Variants in DGKI observed in about 807,000 individuals in gnomAD.
DGKI encodes DAG kinase iota.
DGKI carries 55 observed loss-of-function variants against 147.5 expected under a neutral mutation model. The ratio of observed to expected loss-of-function variants is 0.37; its 90% CI spans 0.30 to 0.47. The LOEUF (loss-of-function observed/expected upper bound fraction) is 0.47, where lower values mean the gene tolerates loss of function less well. DGKI is among the 20% of genes least tolerant of loss of function. The probability of loss-of-function intolerance (pLI) is 1.00; values close to 1 mark genes in which losing one functional copy is unlikely to be tolerated. For missense variants in DGKI, 1,007 were observed against 1,323.8 expected (o/e 0.76, Z 3.71); for synonymous variants, 469 against 477.1 (o/e 0.98, Z 0.22).
At chr7:137,491,920 A>C (rs2128938191) in intron 21 of DGKI, among the ~76,000 whole-genome samples, 1 of 152,352 alleles carries the variant, frequency 6.6e-6, no homozygotes, top group East Asian at 1.9e-4. Context: ...AGGAATTCTA[A>C]GAATCCAAAG....
chr7:137,643,215 T>C (rs1821703724), intron 6 of DGKI, among the ~76,000 whole-genome samples: 1 of 137,652 alleles, frequency 7.3e-6, no homozygotes, highest in African/African-American at 2.8e-5. Flanking sequence ...GGCATGAACC[T>C]GGGAGGCGGA....
chr7:137,621,189 C>T lies in DGKI; in HGVS notation c.877-1249G>A, dbSNP rs1362125702. Among the ~76,000 whole-genome samples the T allele has an allele frequency of 2.0e-5, 3 of 152,232 alleles. No homozygotes were observed. In the East Asian group the frequency reaches 5.8e-4, roughly 29 times the overall value. Reference sequence around the variant, plus strand: ...GTAAAATAATTAATAATTCTGCCTGCCACCAGTTATTGGTGATCTGCAAAC... The same window carrying T: ...GTAAAATAATTAATAATTCTGCCTGTCACCAGTTATTGGTGATCTGCAAAC... On this transcript the variant is annotated intron_variant, in intron 7 of 32. Transcript: ENST00000614521.
chr7:137,656,466 C>A lies in DGKI; in HGVS notation c.681G>T (p.Lys227Asn). ...ACTGCAGCAGGGGGCGCGCTCTTAC[C>A]TTTTCTAGCTGCTCAATGCAGGCGG... ...VHTACIEQLE[K>N]INFRCKPTFR... Residue 227 changes from lysine (K) to asparagine (N), a missense_variant and splice_region_variant, in exon 4 of 33, where the codon AAG becomes AAT. By Grantham distance (94) the Lys-to-Asn change is moderately conservative. Transcript: ENST00000614521. 1.9e-6 allele frequency: 3 copies of A among 1,613,974 alleles called. No individual in the cohort carries two copies. The highest frequency in any genetic ancestry group is 2.5e-6 in the Non-Finnish European group (3 of 1,179,948).
At chr7:137,841,016 A>G (rs963862981) in intron 1 of DGKI, among the ~76,000 whole-genome samples, 13 of 152,342 alleles carry the variant, frequency 8.5e-5, no homozygotes, top group African/African-American at 3.1e-4. Context: ...CTGTATTACT[A>G]TTATCTCATT....
At chr7:137,495,609 C>T (rs995987292) in intron 21 of DGKI, among the ~76,000 whole-genome samples, 1 of 151,618 alleles carries the variant, frequency 6.6e-6, no homozygotes, top group East Asian at 1.9e-4. Flanking sequence ...AGCTAATCTA[C>T]CATGGTCAAG....
chr7:137,514,177 T>C (rs1046487298), intron 21 of DGKI, among the ~76,000 whole-genome samples: 13 of 152,128 alleles, frequency 8.5e-5, no homozygotes, highest in Non-Finnish European at 1.6e-4. Context: ...CTGTGTTTAT[T>C]TGTGGCCGAG....
intron 1 of DGKI, among the ~76,000 whole-genome samples, chr7:137,730,419 C>T (rs1396672370): frequency 6.6e-6 from 1 of 152,032 alleles, no homozygotes; most frequent in Non-Finnish European, 1.5e-5. Flanking sequence ...GTCATCTTTA[C>T]AGTCAAAGTC....
intron 1 of DGKI, among the ~76,000 whole-genome samples, chr7:137,732,083 T>C (rs1445799304): frequency 2.6e-5 from 4 of 152,126 alleles, no homozygotes; most frequent in Non-Finnish European, 5.9e-5. Flanking sequence ...CATGGATCTC[T>C]TTGCCTATGT....
chr7:137,635,126 C>G (rs759835953), intron 6 of DGKI, among the ~76,000 whole-genome samples: 1 of 152,110 alleles, frequency 6.6e-6, no homozygotes, highest in Admixed American at 6.5e-5. Flanking sequence ...TTAGACACAA[C>G]GCAGGTACCA....
At chr7:137,446,779 G>T (rs980321981) in intron 27 of DGKI, among the ~76,000 whole-genome samples, 1 of 152,158 alleles carries the variant, frequency 6.6e-6, no homozygotes, top group Admixed American at 6.6e-5. Context: ...TAGCTCAGGA[G>T]AGAAGAAATA....
chr7:137,793,079 T>C (rs1421528236), intron 1 of DGKI, among the ~76,000 whole-genome samples: 5 of 152,228 alleles, frequency 3.3e-5, no homozygotes, highest in Non-Finnish European at 5.9e-5. Flanking sequence ...TTTATCTCTT[T>C]CCTCTTTTCT....
At chr7:137,514,751 G>A (rs529860834) in intron 21 of DGKI, among the ~76,000 whole-genome samples, 1 of 152,116 alleles carries the variant, frequency 6.6e-6, no homozygotes, top group Non-Finnish European at 1.5e-5. Context: ...GAATCCAACT[G>A]ATTCTCTCCA....
chr7:137,391,343 G>T lies in DGKI; in HGVS notation c.3058-7C>A. On this transcript the variant is annotated splice_polypyrimidine_tract_variant and splice_region_variant and intron_variant, in intron 32 of 32. Coordinates refer to ENST00000614521, the MANE Select transcript of DGKI (RefSeq NM_001321708.2). ...TTTCTTGAGGTGTCTTACCCTATAC[G>T]AAAATAGTGAGAAAAAAAAAAAGAG... 1 of 1,469,394 alleles carries T rather than the reference G, an allele frequency of 6.8e-7. No individual in the cohort carries two copies. Among genetic ancestry groups the T allele is most frequent in the Non-Finnish European group, 9.1e-7 (1 of 1,103,064 alleles). The allele number at this position is 1,469,394 out of a possible 1,614,324, so 91.0% of individuals were successfully genotyped here.
intron 24 of DGKI, among the ~76,000 whole-genome samples, chr7:137,469,262 A>G (rs1408959834): frequency 6.6e-6 from 1 of 152,230 alleles, no homozygotes; most frequent in Admixed American, 6.5e-5. Context: ...TAAGGCAGGC[A>G]GTCAAGCTTT....
chr7:137,660,272 G>C (rs572034881), intron 3 of DGKI, among the ~76,000 whole-genome samples: 1 of 152,290 alleles, frequency 6.6e-6, no homozygotes, highest in Non-Finnish European at 1.5e-5. Flanking sequence ...ATGGAATACA[G>C]TATAGATCAC....
At chr7:137,700,214 G>T (rs752394600) in intron 1 of DGKI, among the ~76,000 whole-genome samples, 1 of 152,174 alleles carries the variant, frequency 6.6e-6, no homozygotes, top group African/African-American at 2.4e-5. Flanking sequence ...GGAAACAGAA[G>T]TCATCCCAGA....
chr7:137,439,539 G>A (rs1365013999), intron 28 of DGKI, among the ~76,000 whole-genome samples: 4 of 152,126 alleles, frequency 2.6e-5, no homozygotes, highest in Non-Finnish European at 5.9e-5. Flanking sequence ...CAGTATGGGG[G>A]AAACTGCTCC....
intron 21 of DGKI, among the ~76,000 whole-genome samples, chr7:137,513,525 C>T (rs1034089964): frequency 5.2e-4 from 79 of 152,176 alleles, no homozygotes; most frequent in African/African-American, 1.9e-3. Flanking sequence ...AAAGAGCAAT[C>T]TGTGGTGAAT....
At chr7:137,745,959 C>G (rs6947142) in intron 1 of DGKI, among the ~76,000 whole-genome samples, 42,296 of 151,714 alleles carry the variant, frequency 0.28, 6,005 homozygotes, top group Middle Eastern at 0.37. Context: ...TTAAATTTGT[C>G]GGTGGAAGAG....
Sources: allele counts gnomAD v4.1 joint callset (sites outside exome capture counted in the v4.1 genomes callset), GRCh38; gene constraint gnomAD v4.1.1; transcripts MANE v1.5; gene names NCBI Gene and HGNC (gene_info 2026-07-23, HGNC 2026-07-21).